Variants in KCNH8 observed in about 807,000 individuals in gnomAD.
KCNH8 encodes voltage-gated delayed rectifier potassium channel KCNH8.
In KCNH8, 70 loss-of-function variants were observed where a neutral mutation model predicts 103.6. The ratio of observed to expected loss-of-function variants is 0.68; its 90% CI spans 0.56 to 0.82. The LOEUF (loss-of-function observed/expected upper bound fraction) is 0.82. KCNH8 is among the 40% of genes least tolerant of loss of function. KCNH8 has a pLI of 0.00. For missense variants in KCNH8, 1,217 were observed against 1,329.9 expected, an observed-to-expected ratio of 0.92 and a Z score of 1.32; for synonymous variants, 498 against 489.4, an observed-to-expected ratio of 1.02 and a Z score of -0.23.
intron 3 of KCNH8, among the ~76,000 whole-genome samples, chr3:19,287,948 G>C (rs1310243649): frequency 6.6e-6 from 1 of 151,990 alleles, no homozygotes; most frequent in Non-Finnish European, 1.5e-5. Context: ...GACAAGTCAA[G>C]CTGCCCTGTT....
At chr3:19,514,976 G>C (rs1411491116) in intron 13 of KCNH8, among the ~76,000 whole-genome samples, 1 of 151,678 alleles carries the variant, frequency 6.6e-6, no homozygotes, top group Non-Finnish European at 1.5e-5. Flanking sequence ...TTTTAAGCGT[G>C]ATAAAAGTGA....
intron 5 of KCNH8, among the ~76,000 whole-genome samples, chr3:19,389,113 A>G (rs2066397787): frequency 6.6e-6 from 1 of 152,196 alleles, no homozygotes; most frequent in African/African-American, 2.4e-5. Context: ...GAATCAAATG[A>G]CATAATAAGT....
intron 1 of KCNH8, among the ~76,000 whole-genome samples, chr3:19,213,348 C>A (rs1005724915): frequency 6.6e-6 from 1 of 152,238 alleles, no homozygotes; most frequent in South Asian, 2.1e-4. Flanking sequence ...CAGTCTCAAG[C>A]CTTTAAATAC....
Position 19,300,257 on chromosome 3 carries a change from AAAAAG to A in KCNH8, c.442+18932_442+18936del, listed in dbSNP as rs199647369. 3.0e-4 allele frequency among the ~76,000 whole-genome samples: 43 copies of A among 144,246 alleles called. 2 individuals carry two copies. Among genetic ancestry groups the A allele is most frequent in the Admixed American group, 1.4e-3 (20 of 14,384 alleles). 94.6% of individuals were successfully genotyped at this position (144,246 alleles called of 152,430 possible). ...TAGCAAGACTCTGTCTATAAAAAAAAAAAAGAAAGAAAGAAAAGAAAATATGAACA... is the reference window on the plus strand; with the variant it reads ...TAGCAAGACTCTGTCTATAAAAAAAAAAAGAAAGAAAAGAAAATATGAACA... On this transcript the variant is annotated intron_variant, in intron 3 of 15. Transcript: ENST00000328405.
intron 11 of KCNH8, among the ~76,000 whole-genome samples, chr3:19,488,894 T>C (rs1489609496): frequency 6.6e-6 from 1 of 152,200 alleles, no homozygotes; most frequent in Non-Finnish European, 1.5e-5. Context: ...AGTAGGATTA[T>C]GAGTCTGTAT....
At chr3:19,310,589 G>A (rs2065195392) in intron 3 of KCNH8, among the ~76,000 whole-genome samples, 1 of 151,818 alleles carries the variant, frequency 6.6e-6, no homozygotes, top group African/African-American at 2.4e-5. Flanking sequence ...TCTGGAGGAG[G>A]TGAGAGCTAT....
chr3:19,408,114 G>A (rs2066722749), intron 7 of KCNH8, among the ~76,000 whole-genome samples: 2 of 152,024 alleles, frequency 1.3e-5, no homozygotes, highest in South Asian at 4.2e-4. Context: ...CAAGGATCAA[G>A]TATATACCCA....
intron 5 of KCNH8, among the ~76,000 whole-genome samples, chr3:19,380,886 C>T (rs1470845304): frequency 1.3e-5 from 2 of 152,146 alleles, no homozygotes; most frequent in Admixed American, 6.5e-5. Context: ...TCTAGCAAAA[C>T]ACAAAAATAT....
intron 1 of KCNH8, among the ~76,000 whole-genome samples, chr3:19,159,367 C>T (rs1017210465): frequency 1.3e-5 from 2 of 151,538 alleles, no homozygotes; most frequent in African/African-American, 4.8e-5. Flanking sequence ...TATATATACA[C>T]ATATATGATA....
intron 5 of KCNH8, among the ~76,000 whole-genome samples, chr3:19,376,807 A>C (rs1173071102): frequency 6.6e-6 from 1 of 152,232 alleles, no homozygotes; most frequent in Non-Finnish European, 1.5e-5. Context: ...ACTGGAGTGG[A>C]ACAAAAGTTT....
chr3:19,255,603 C>CATCACGTTACCATCA (rs2064336495), intron 2 of KCNH8, among the ~76,000 whole-genome samples: 1 of 151,982 alleles, frequency 6.6e-6, no homozygotes, highest in African/African-American at 2.4e-5. Flanking sequence ...ACACGTTTAC[C>CATCACGTTACCATCA]TGTGTAACAA....
intron 11 of KCNH8, among the ~76,000 whole-genome samples, chr3:19,506,637 C>T (rs902260780): frequency 6.6e-6 from 1 of 152,164 alleles, no homozygotes; most frequent in Non-Finnish European, 1.5e-5. Flanking sequence ...GGGCTGCACA[C>T]TGCAATTCTG....
chr3:19,405,333 TTTAAA>T (rs1258956901), intron 7 of KCNH8, among the ~76,000 whole-genome samples: 3 of 152,026 alleles, frequency 2.0e-5, no homozygotes, highest in South Asian at 2.1e-4. Flanking sequence ...ATCTAGTGAC[TTTAAA>T]TTATTTTATA....
At chr3:19,298,887 A>T (rs1220689360) in intron 3 of KCNH8, among the ~76,000 whole-genome samples, 1 of 143,674 alleles carries the variant, frequency 7.0e-6, no homozygotes, top group Non-Finnish European at 1.5e-5. Context: ...GCGCCACTGC[A>T]CTCCGGCCTG....
At chr3:19,456,707 G>A in intron 10 of KCNH8, 61 bp from the exon 11 acceptor site, 1 of 1,062,984 alleles carries the variant, frequency 9.4e-7, no homozygotes, top group East Asian at 2.4e-5. Context: ...TAAGTCAAAT[G>A]AGGTTATCAG....
At chr3:19,431,450 T>G (rs1177193279) in intron 7 of KCNH8, among the ~76,000 whole-genome samples, 1 of 152,212 alleles carries the variant, frequency 6.6e-6, no homozygotes, top group East Asian at 1.9e-4. Flanking sequence ...GTTTCCTCTT[T>G]GTTTTACCTC....
At chr3:19,471,203 ACAG>A (rs1439072845) in intron 11 of KCNH8, among the ~76,000 whole-genome samples, 5 of 152,214 alleles carry the variant, frequency 3.3e-5, no homozygotes, top group Non-Finnish European at 7.3e-5. Context: ...CCTGAAGAGA[ACAG>A]CAGATGTTCA....
intron 5 of KCNH8, among the ~76,000 whole-genome samples, chr3:19,370,660 C>A (rs1271296243): frequency 1.3e-5 from 2 of 151,900 alleles, no homozygotes; most frequent in Admixed American, 1.3e-4. Context: ...GCACATTGTG[C>A]AGGTTATTTA....
chr3:19,519,073 A>G (rs770904694), intron 15 of KCNH8, among the ~76,000 whole-genome samples: 4 of 151,998 alleles, frequency 2.6e-5, no homozygotes, highest in Non-Finnish European at 5.9e-5. Context: ...CTGAGAGACT[A>G]TGTAGGACAA....
Sources: gnomAD v4.1 joint callset for allele counts (sites outside exome capture counted in the v4.1 genomes callset) on GRCh38, gnomAD v4.1.1 for gene constraint, MANE v1.5 for transcripts, NCBI Gene and HGNC (gene_info 2026-07-23, HGNC 2026-07-21) for gene names.